Variants in MOK observed in about 807,000 individuals in gnomAD.
The protein encoded by MOK is MOK protein kinase.
Under a neutral mutation model 54.2 loss-of-function variants are expected in MOK, and 59 were observed. That is an observed-to-expected ratio of 1.09 (90% CI 0.88 to 1.35). MOK has a LOEUF of 1.35. Among genes scored for constraint, MOK ranks in the 40% most tolerant of loss-of-function variants. MOK has a pLI of 0.00. For missense variants in MOK, 517 were observed against 526.2 expected (o/e 0.98, Z 0.17); for synonymous variants, 210 against 202.7 (o/e 1.04, Z -0.31).
chr14:102,259,816 C>T (rs1294864570), intron 4 of MOK, among the ~76,000 whole-genome samples: 7 of 151,838 alleles, frequency 4.6e-5, no homozygotes, highest in African/African-American at 1.5e-4. Context: ...GAGGCCAAGG[C>T]GGGCAGATCA....
In MOK at chr14:102,288,300, T is replaced by A. The variant is rs979736291; in HGVS notation, c.8-4708A>T. Reference sequence around the variant, plus strand: ...AAGCATCCAAATGTCCATCAGGAGATGAACGGATAAACAAAATGTGGTCTA... The same window carrying A: ...AAGCATCCAAATGTCCATCAGGAGAAGAACGGATAAACAAAATGTGGTCTA... On this transcript the variant is annotated intron_variant, in intron 1 of 11. Coordinates refer to ENST00000361847, the MANE Select transcript of MOK (RefSeq NM_014226.3). Among the ~76,000 whole-genome samples the A allele has an allele frequency of 1.3e-5, 2 of 152,324 alleles. 1 individual carries two copies. The highest frequency in any genetic ancestry group is 6.8e-3 in the Middle Eastern group (2 of 294).
chr14:102,251,610 C>T (rs1597369440), intron 6 of MOK, 146 bp downstream of exon 6: 2 of 721,240 alleles, frequency 2.8e-6, no homozygotes, highest in Middle Eastern at 2.3e-4. Flanking sequence ...TTTTTTACAA[C>T]CTGAGAGGGA....
chr14:102,269,329 G>A (rs2068166352), intron 2 of MOK, among the ~76,000 whole-genome samples: 1 of 151,850 alleles, frequency 6.6e-6, no homozygotes, highest in African/African-American at 2.4e-5. Context: ...TGGGATTACA[G>A]GTGCCCACCA....
At chr14:102,298,743 T>C (rs956084750) in intron 1 of MOK, among the ~76,000 whole-genome samples, 1 of 152,164 alleles carries the variant, frequency 6.6e-6, no homozygotes, top group African/African-American at 2.4e-5. Flanking sequence ...ATGTGGAAGC[T>C]TTGTTCTTTC....
Position 102,232,077 on chromosome 14 carries a change from C to T in MOK, c.867-256G>A. 2.3e-6 allele frequency: 1 copy of T among 442,104 alleles called. No homozygotes were observed. Among genetic ancestry groups the T allele is most frequent in the Non-Finnish European group, 4.0e-6 (1 of 247,862 alleles). 27.4% of individuals were successfully genotyped at this position (442,104 alleles called of 1,614,324 possible). ...TCGCAGTTTCAGATCAAACTGTCAC[C>T]TCCACAGTTAGGCAAACAGGAGTGT... On this transcript the variant is annotated intron_variant, in intron 9 of 11. Transcript: ENST00000361847. This position sits in a 1 kb window ranked among gnomAD's most constrained non-coding sequence, Gnocchi z 5.1.
intron 1 of MOK, 127 bp downstream of exon 1, chr14:102,304,835 G>C (rs1358577691): frequency 2.7e-6 from 3 of 1,107,538 alleles, no homozygotes; most frequent in Non-Finnish European, 3.9e-6. Flanking sequence ...TCCCGGGCCT[G>C]TCGAGCCACG....
At chr14:102,252,359 G>A (rs2066600422) in intron 4 of MOK, among the ~76,000 whole-genome samples, 1 of 151,974 alleles carries the variant, frequency 6.6e-6, no homozygotes, top group African/African-American at 2.4e-5. Context: ...GGAGGCTGAG[G>A]CTGGAGAATC....
At chr14:102,228,623 C>A (rs952617956), downstream of MOK, among the ~76,000 whole-genome samples, 22 of 143,846 alleles carry the variant, frequency 1.5e-4, no homozygotes, top group Admixed American at 1.5e-3. Flanking sequence ...CCCTTGAACC[C>A]GGGAGGTGGA....
intron 4 of MOK, among the ~76,000 whole-genome samples, chr14:102,252,884 T>C (rs893716627): frequency 2.0e-5 from 3 of 152,188 alleles, no homozygotes; most frequent in African/African-American, 7.2e-5. Flanking sequence ...AGGGGAAATA[T>C]GACATAGGAG....
rs145608029 is a variant in MOK, at chr14:102,290,726, G to A, written c.8-7134C>T. ...TTCCAAACTGAGTACTACAAAACAC[G>A]AGGATCCCTGAACCCTAATGGGTAT... On this transcript the variant is annotated intron_variant, in intron 1 of 11. Coordinates refer to ENST00000361847, the MANE Select transcript of MOK (RefSeq NM_014226.3). 4.6e-5 allele frequency among the ~76,000 whole-genome samples: 7 copies of A among 152,236 alleles called. No homozygotes were observed. In the East Asian group the frequency reaches 1.2e-3, roughly 25 times the overall value.
chr14:102,229,238 C>T lies in MOK; in HGVS notation c.*51G>A, dbSNP rs1555413270. On this transcript the variant is annotated 3_prime_UTR_variant, in exon 12 of 12. Transcript: ENST00000361847. ...TCAGCAGCAGATCACCCAGGCCTGGCCCGGTCGGGCTTGGTGTTGCCTCCG... is the reference window on the plus strand; with the variant it reads ...TCAGCAGCAGATCACCCAGGCCTGGTCCGGTCGGGCTTGGTGTTGCCTCCG... The T allele has an allele frequency of 4.6e-6, 7 of 1,521,264 alleles. No individual in the cohort carries two copies. Among genetic ancestry groups the T allele is most frequent in the South Asian group, 1.3e-5 (1 of 76,874 alleles). 94.2% of individuals were successfully genotyped at this position (1,521,264 alleles called of 1,614,324 possible). A position where few individuals can be genotyped will look rare whatever the true frequency, so the allele number is the denominator to read the frequency against.
rs1417390486 is a variant in MOK at position 102,249,816 on chromosome 14, T to G, written c.590+996A>C. On this transcript the variant is annotated intron_variant, in intron 7 of 11. Transcript: ENST00000361847. The surrounding 1 kb of genome is among the most constrained non-coding windows in gnomAD (Gnocchi z 5.3). ...CTCTGGTAGTAGGCCTAGCTTCTATTCCAGAAAATGGCAGGCTCTTGTGAC... is the reference window on the plus strand; with the variant it reads ...CTCTGGTAGTAGGCCTAGCTTCTATGCCAGAAAATGGCAGGCTCTTGTGAC... Among the ~76,000 whole-genome samples, 1 of 152,240 alleles carries G rather than the reference T, an allele frequency of 6.6e-6. No homozygotes were observed. The highest frequency in any genetic ancestry group is 1.5e-5 in the Non-Finnish European group (1 of 68,044).
downstream of MOK, chr14:102,225,168 C>T (rs1381386686): frequency 1.9e-5 from 4 of 208,304 alleles, no homozygotes; most frequent in South Asian, 7.3e-5. Flanking sequence ...TCAAGTGATC[C>T]TCCCATCTCA....
chr14:102,292,270 G>A (rs1182392293), intron 1 of MOK, among the ~76,000 whole-genome samples: 6 of 151,962 alleles, frequency 3.9e-5, no homozygotes, highest in African/African-American at 1.2e-4. Flanking sequence ...TCAGGAGATC[G>A]AGACCATCCT....
intron 4 of MOK, among the ~76,000 whole-genome samples, chr14:102,254,569 C>G (rs1392547562): frequency 3.9e-5 from 6 of 152,140 alleles, no homozygotes; most frequent in Non-Finnish European, 7.4e-5. Context: ...TCCCGACTTA[C>G]CCCGGCACTC....
intron 2 of MOK, among the ~76,000 whole-genome samples, chr14:102,281,647 G>A (rs1297881526): frequency 1.3e-5 from 2 of 151,174 alleles, no homozygotes; most frequent in Admixed American, 6.6e-5. Context: ...GTCTTGCTAT[G>A]TTGCCCAGGC....
chr14:102,266,235 T>C (rs1431193193), intron 2 of MOK, among the ~76,000 whole-genome samples: 1 of 152,154 alleles, frequency 6.6e-6, no homozygotes, highest in Non-Finnish European at 1.5e-5. Flanking sequence ...ATAATTAAGA[T>C]TTAGTCTTCA....
In MOK at chr14:102,249,651, G is replaced by T. The variant is rs910785541; in HGVS notation, c.590+1161C>A. Among the ~76,000 whole-genome samples, 1 of 152,232 alleles carries T rather than the reference G, an allele frequency of 6.6e-6. No homozygotes were observed. The highest frequency in any genetic ancestry group is 2.4e-5 in the African/African-American group (1 of 41,462). The stretch of plus-strand genomic sequence containing the variant: ...TAGAACCCGGGAGGCGGAGGCTGCG[G>T]TGAGCCAAGATCGCACCATTGCACT... On this transcript the variant is annotated intron_variant, in intron 7 of 11. Transcript: ENST00000361847. The surrounding 1 kb of genome is among the most constrained non-coding windows in gnomAD (Gnocchi z 5.3).
downstream of MOK, chr14:102,228,707 A>AC (rs2064361019): frequency 6.6e-6 from 1 of 151,930 alleles, no homozygotes; most frequent in Admixed American, 6.6e-5. Context: ...CAAAAAAAAA[A>AC]AAAAAAAAAA....
Sources: gnomAD v4.1 joint callset for allele counts (sites outside exome capture counted in the v4.1 genomes callset) on GRCh38, gnomAD v4.1.1 for gene constraint, Gnocchi (gnomAD v3.1) non-coding constraint, MANE v1.5 for transcripts, NCBI Gene and HGNC (gene_info 2026-07-23, HGNC 2026-07-21) for gene names.